GLG1: variants seen among roughly 807,000 people sequenced by gnomAD.
The protein encoded by GLG1 is golgi glycoprotein 1.
In GLG1, 38 loss-of-function variants were observed where a neutral mutation model predicts 160.5. The observed-to-expected ratio is 0.24, with a 90% CI of 0.18 to 0.31. The LOEUF is 0.31. Ranked by LOEUF, GLG1 falls within the 10% of genes least tolerant of loss-of-function variation. The probability of loss-of-function intolerance (pLI) is 1.00; values close to 1 mark genes in which losing one functional copy is unlikely to be tolerated. For missense variants in GLG1, 1,373 were observed against 1,505.2 expected, an observed-to-expected ratio of 0.91 and a Z score of 1.45; for synonymous variants, 644 against 543.4, an observed-to-expected ratio of 1.19 and a Z score of -2.57.
intron 3 of GLG1, among the ~76,000 whole-genome samples, chr16:74,505,103 C>T (rs1191926430): frequency 2.0e-5 from 3 of 152,084 alleles, no homozygotes; most frequent in Non-Finnish European, 4.4e-5. Flanking sequence ...AGCATTCTCC[C>T]CATTAGGCCT....
chr16:74,497,672 C>A (rs1355631041), intron 4 of GLG1, among the ~76,000 whole-genome samples: 1 of 152,036 alleles, frequency 6.6e-6, no homozygotes, highest in Non-Finnish European at 1.5e-5. Context: ...CTCCTGACCT[C>A]GTGATCCGCC....
intron 1 of GLG1, among the ~76,000 whole-genome samples, chr16:74,598,811 G>C (rs548258003): frequency 6.6e-6 from 1 of 151,946 alleles, no homozygotes; most frequent in African/African-American, 2.4e-5. Context: ...TTGAACCCGA[G>C]AGGTGGAGGT....
intron 25 of GLG1, 56 bp from the exon 26 acceptor site, chr16:74,453,390 G>T: frequency 8.4e-7 from 1 of 1,189,514 alleles, no homozygotes; most frequent in Non-Finnish European, 1.2e-6. Flanking sequence ...TGGTGGCAGT[G>T]CTAGGTCTAA....
intron 1 of GLG1, among the ~76,000 whole-genome samples, chr16:74,540,788 C>T (rs553329815): frequency 1.3e-5 from 2 of 151,892 alleles, no homozygotes; most frequent in South Asian, 2.1e-4. Context: ...ACTTTGGCAT[C>T]GAGGGGAAGA....
intron 1 of GLG1, among the ~76,000 whole-genome samples, chr16:74,581,748 T>G (rs771011713): frequency 7.2e-5 from 11 of 151,970 alleles, no homozygotes; most frequent in Non-Finnish European, 1.5e-5. Context: ...CCGTCTGTAC[T>G]AAAAATACAA....
intron 1 of GLG1, among the ~76,000 whole-genome samples, chr16:74,560,808 T>C (rs973886050): frequency 1.3e-5 from 2 of 148,704 alleles, no homozygotes; most frequent in African/African-American, 2.5e-5. Context: ...AACACAGCAA[T>C]CCCATCTCGA....
chr16:74,589,878 A>G (rs1187675703), intron 1 of GLG1, among the ~76,000 whole-genome samples: 1 of 152,188 alleles, frequency 6.6e-6, no homozygotes, highest in South Asian at 2.1e-4. Context: ...CAGAGGTTGC[A>G]GTGAGCTGAA....
At chr16:74,501,630 G>A (rs565566026) in intron 4 of GLG1, among the ~76,000 whole-genome samples, 1 of 152,292 alleles carries the variant, frequency 6.6e-6, no homozygotes, top group Non-Finnish European at 1.5e-5. Context: ...GGACTGAAAC[G>A]CTTGGCTTTA....
rs151222429 is a variant in GLG1, at chr16:74,597,628, C to T, written c.438+9029G>A. Among the ~76,000 whole-genome samples the T allele has an allele frequency of 3.0e-3, 450 of 151,832 alleles. 2 individuals are homozygous for T. Among genetic ancestry groups the T allele is most frequent in the Middle Eastern group, 0.017 (5 of 294 alleles). ...CAACACTTTGGGAGGCCGAAGCTGGCGGATAACGAGGTCAGGAGATTGAGA... is the reference window on the plus strand; with the variant it reads ...CAACACTTTGGGAGGCCGAAGCTGGTGGATAACGAGGTCAGGAGATTGAGA... On this transcript the variant is annotated intron_variant, in intron 1 of 25. Transcript: ENST00000422840.
chr16:74,521,889 C>T (rs2017176430), intron 2 of GLG1, among the ~76,000 whole-genome samples: 1 of 152,136 alleles, frequency 6.6e-6, no homozygotes, highest in South Asian at 2.1e-4. Context: ...AGCCTCAGGC[C>T]CCATGGGAAC....
chr16:74,531,628 C>T (rs374449879), intron 2 of GLG1, among the ~76,000 whole-genome samples: 6 of 152,208 alleles, frequency 3.9e-5, no homozygotes, highest in African/African-American at 1.4e-4. Flanking sequence ...TGCCCGGCCT[C>T]ATCTCCATTA....
chr16:74,596,140 AG>A (rs1355726394), intron 1 of GLG1, among the ~76,000 whole-genome samples: 1 of 152,086 alleles, frequency 6.6e-6, no homozygotes, highest in East Asian at 1.9e-4. Flanking sequence ...CTTTACCCAG[AG>A]GATTTACCCC....
chr16:74,476,137 G>A (rs763126071), intron 12 of GLG1, among the ~76,000 whole-genome samples: 6 of 151,932 alleles, frequency 3.9e-5, no homozygotes, highest in Non-Finnish European at 7.4e-5. Context: ...AGCCGAGATC[G>A]TGCCACTGCA....
chr16:74,458,116 A>G (rs1049433310), intron 23 of GLG1, 122 bp from the exon 24 acceptor site: 1 of 892,580 alleles, frequency 1.1e-6, no homozygotes, highest in Admixed American at 2.1e-5. Flanking sequence ...AACAGAGACC[A>G]CTTTGGGACA....
At chr16:74,456,497 C>T (rs996142169) in intron 25 of GLG1, 152 bp downstream of exon 25, 16 of 623,980 alleles carry the variant, frequency 2.6e-5, no homozygotes, top group Non-Finnish European at 1.1e-5. Context: ...GCTAGTCTCA[C>T]AATAAGGACA....
chr16:74,474,369 G>T (rs1489444438), intron 13 of GLG1, 177 bp downstream of exon 13: 7 of 584,932 alleles, frequency 1.2e-5, no homozygotes, highest in Non-Finnish European at 2.1e-5. Context: ...GAGGGAAGGA[G>T]CTCACAAAGC....
chr16:74,525,639 G>A (rs2017310563), intron 2 of GLG1, among the ~76,000 whole-genome samples: 1 of 150,168 alleles, frequency 6.7e-6, no homozygotes. Context: ...CTTTTCATGT[G>A]TAACTGGCTA....
At chr16:74,569,861 CAA>C (rs77923851) in intron 1 of GLG1, among the ~76,000 whole-genome samples, 9 of 76,390 alleles carry the variant, frequency 1.2e-4, no homozygotes, top group Admixed American at 1.6e-4. Context: ...AACTCCAACT[CAA>C]AAAAAAAAAA....
intron 1 of GLG1, among the ~76,000 whole-genome samples, chr16:74,574,725 A>C (rs2018935947): frequency 6.6e-6 from 1 of 151,036 alleles, no homozygotes; most frequent in Non-Finnish European, 1.5e-5. Flanking sequence ...TCTACTAAAA[A>C]CACAAAAAAT....
Sources: gnomAD v4.1 joint callset for allele counts (sites outside exome capture counted in the v4.1 genomes callset) on GRCh38, gnomAD v4.1.1 for gene constraint, MANE v1.5 for transcripts, NCBI Gene and HGNC (gene_info 2026-07-23, HGNC 2026-07-21) for gene names.